PLCL2: variants seen among roughly 807,000 people sequenced by gnomAD.
The protein encoded by PLCL2 is inactive phospholipase C-like protein 2.
In PLCL2, 4 loss-of-function variants were observed where a neutral mutation model predicts 79.6. The observed-to-expected ratio is 0.05, with a 90% CI of 0.02 to 0.11. The LOEUF (loss-of-function observed/expected upper bound fraction) is 0.11. Among genes scored for constraint, PLCL2 ranks in the 10% least tolerant of loss-of-function variants. The pLI is 1.00. For synonymous variants in PLCL2, 484 were observed against 457.7 expected (o/e 1.06, Z -0.73); for missense variants, 895 against 1,291.0 (o/e 0.69, Z 4.70).
chr3:16,959,672 C>T (rs2063737723), intron 1 of PLCL2, among the ~76,000 whole-genome samples: 1 of 152,166 alleles, frequency 6.6e-6, no homozygotes, highest in Admixed American at 6.5e-5. Context: ...CACCTCTATG[C>T]TGATGGCTTC....
intron 3 of PLCL2, among the ~76,000 whole-genome samples, chr3:17,018,349 T>C (rs1180151225): frequency 2.6e-5 from 4 of 152,148 alleles, no homozygotes; most frequent in Non-Finnish European, 5.9e-5. Flanking sequence ...GGGGGCCTCA[T>C]GCAAATGGAG....
rs181235218 is a variant in PLCL2 at position 17,020,961 on chromosome 3, G to C, written c.3018+6050G>C. 2.1e-4 allele frequency among the ~76,000 whole-genome samples: 32 copies of C among 152,240 alleles called. No homozygotes were observed. The East Asian group carries it at 6.2e-3, about 29-fold the overall frequency. ...CACTTCATAATTAATGGAGTCTGCT[G>C]GTTTGGACCAAGCCAGAGATGATCT... On this transcript the variant is annotated intron_variant, in intron 3 of 5. Coordinates refer to ENST00000615277, the MANE Select transcript of PLCL2 (RefSeq NM_001144382.2).
chr3:17,014,575 C>T (rs921024709), intron 2 of PLCL2, 133 bp from the exon 3 acceptor site: 2 of 711,968 alleles, frequency 2.8e-6, no homozygotes, highest in African/African-American at 3.5e-5. Context: ...AATCATTAGC[C>T]AATTCTGTTA....
intron 5 of PLCL2, among the ~76,000 whole-genome samples, chr3:17,087,517 T>A (rs745674629): frequency 6.6e-5 from 10 of 152,196 alleles, no homozygotes; most frequent in South Asian, 2.1e-4. Context: ...GAAGGATGAC[T>A]AGCAAAGCAC....
intron 1 of PLCL2, among the ~76,000 whole-genome samples, chr3:16,989,362 C>T (rs1327966279): frequency 6.6e-6 from 1 of 152,114 alleles, no homozygotes; most frequent in African/African-American, 2.4e-5. Flanking sequence ...TAGACCTGCA[C>T]TGTCAGATAC....
intron 4 of PLCL2, among the ~76,000 whole-genome samples, chr3:17,045,586 C>A (rs1007066992): frequency 1.3e-5 from 2 of 152,106 alleles, no homozygotes; most frequent in African/African-American, 4.8e-5. Flanking sequence ...CTCGGAGATG[C>A]GCAGTTGGAG....
intron 1 of PLCL2, among the ~76,000 whole-genome samples, chr3:16,916,599 A>G (rs114373192): frequency 0.014 from 2,184 of 152,302 alleles, 24 homozygotes; most frequent in African/African-American, 0.022. Context: ...GTAAATTAAT[A>G]CCATCCATGT....
At chr3:17,024,081 C>T (rs1424375743) in intron 3 of PLCL2, among the ~76,000 whole-genome samples, 1 of 152,094 alleles carries the variant, frequency 6.6e-6, no homozygotes, top group Non-Finnish European at 1.5e-5. Flanking sequence ...TGGGAGGGTC[C>T]AAGAGGTAGA....
intron 3 of PLCL2, among the ~76,000 whole-genome samples, chr3:17,022,077 T>A (rs1468164742): frequency 2.0e-5 from 3 of 152,092 alleles, no homozygotes; most frequent in Non-Finnish European, 4.4e-5. Context: ...GTTTTACTTT[T>A]CTGTTTAGAG....
At chr3:16,933,817 C>A (rs957618684) in intron 1 of PLCL2, among the ~76,000 whole-genome samples, 2 of 152,060 alleles carry the variant, frequency 1.3e-5, no homozygotes, top group Admixed American at 6.6e-5. Flanking sequence ...TCTGTAATCC[C>A]AGCTCTCTTG....
Position 16,887,976 on chromosome 3 carries a change from G to A in PLCL2, c.327+2610G>A, listed in dbSNP as rs1696263707. Among the ~76,000 whole-genome samples the A allele has an allele frequency of 6.6e-6, 1 of 152,096 alleles. No homozygotes were observed. The highest frequency in any genetic ancestry group is 1.5e-5 in the Non-Finnish European group (1 of 68,014). The stretch of plus-strand genomic sequence containing the variant: ...TAATTGGGGACTTGAGGGAATAGCA[G>A]GGAGTGAATGCTACCTGGGGAACTG... On this transcript the variant is annotated intron_variant, in intron 1 of 5. Coordinates refer to ENST00000615277, the MANE Select transcript of PLCL2 (RefSeq NM_001144382.2). This position sits in a 1 kb window ranked among gnomAD's most constrained non-coding sequence, Gnocchi z 4.1.
At chr3:16,994,508 A>T (rs182062680) in intron 1 of PLCL2, among the ~76,000 whole-genome samples, 1 of 152,150 alleles carries the variant, frequency 6.6e-6, no homozygotes, top group South Asian at 2.1e-4. Flanking sequence ...TCATTTGCAT[A>T]TAACACCTCT....
intron 1 of PLCL2, among the ~76,000 whole-genome samples, chr3:17,000,420 T>G (rs575242030): frequency 1.4e-5 from 2 of 140,016 alleles, no homozygotes; most frequent in Non-Finnish European, 3.1e-5. Context: ...ACATCAGTCA[T>G]GTCAAACATT....
chr3:16,979,949 G>A (rs1308911099), intron 1 of PLCL2, among the ~76,000 whole-genome samples: 17 of 150,166 alleles, frequency 1.1e-4, no homozygotes, highest in African/African-American at 3.2e-4. Flanking sequence ...CAGACAGGGC[G>A]GCTGGCCGGA....
chr3:17,034,295 TC>T (rs2064619019), intron 3 of PLCL2, among the ~76,000 whole-genome samples: 1 of 152,148 alleles, frequency 6.6e-6, no homozygotes, highest in South Asian at 2.1e-4. Flanking sequence ...CAGGGTGGGT[TC>T]CCCCTTTTAC....
chr3:16,980,043 C>T (rs868368305), intron 1 of PLCL2, among the ~76,000 whole-genome samples: 67 of 142,184 alleles, frequency 4.7e-4, no homozygotes, highest in Non-Finnish European at 8.6e-4. Context: ...TAGGGGCGGC[C>T]GGGCAGAGGT....
intron 1 of PLCL2, among the ~76,000 whole-genome samples, chr3:16,913,327 C>G (rs931013792): frequency 6.6e-6 from 1 of 151,272 alleles, no homozygotes. Context: ...CTTACCCATT[C>G]GCTGGAAATT....
chr3:17,057,967 G>A (rs2064908166), intron 4 of PLCL2, among the ~76,000 whole-genome samples: 1 of 152,206 alleles, frequency 6.6e-6, no homozygotes, highest in Non-Finnish European at 1.5e-5. Flanking sequence ...CCCCTAAGAG[G>A]GCTCCAGGTC....
intron 5 of PLCL2, among the ~76,000 whole-genome samples, chr3:17,079,594 G>A (rs902214089): frequency 1.3e-5 from 2 of 152,136 alleles, no homozygotes; most frequent in South Asian, 2.1e-4. Flanking sequence ...TGGGCCTGCC[G>A]CCGTCCTTTC....
Sources: allele counts gnomAD v4.1 joint callset (sites outside exome capture counted in the v4.1 genomes callset), GRCh38; gene constraint gnomAD v4.1.1; non-coding constraint Gnocchi (gnomAD v3.1); transcripts MANE v1.5; gene names NCBI Gene and HGNC (gene_info 2026-07-23, HGNC 2026-07-21).